CDC14A: variants seen among roughly 807,000 people sequenced by gnomAD.
CDC14A encodes the protein dual specificity protein phosphatase CDC14A.
Under a neutral mutation model 74.4 loss-of-function variants are expected in CDC14A, and 53 were observed. The ratio of observed to expected loss-of-function variants is 0.71; its 90% CI spans 0.57 to 0.89. The LOEUF is 0.89. Ranked by LOEUF, CDC14A falls within the 40% of genes least tolerant of loss-of-function variation. CDC14A has a pLI of 0.00. For synonymous variants in CDC14A, 247 were observed against 258.4 expected (o/e 0.96, Z 0.43); for missense variants, 646 against 713.7 (o/e 0.91, Z 1.08).
intron 8 of CDC14A, among the ~76,000 whole-genome samples, chr1:100,459,091 ACACACACACG>A (rs979324456): frequency 1.1e-4 from 15 of 137,118 alleles, no homozygotes; most frequent in African/African-American, 3.7e-4. Context: ...ATTTAAACAC[ACACACACACG>A]CACACACACA....
chr1:100,386,332 C>G (rs772969168), intron 3 of CDC14A, among the ~76,000 whole-genome samples: 2 of 152,140 alleles, frequency 1.3e-5, no homozygotes, highest in African/African-American at 4.8e-5. Context: ...GTGACCCTCT[C>G]TATTTTATAT....
chr1:100,414,603 A>G (rs1252944645), intron 4 of CDC14A, among the ~76,000 whole-genome samples: 1 of 152,178 alleles, frequency 6.6e-6, no homozygotes, highest in African/African-American at 2.4e-5. Flanking sequence ...AGCTCATGAT[A>G]TACCCAGAAG....
intron 4 of CDC14A, chr1:100,393,640 A>C: frequency 1.7e-6 from 1 of 603,542 alleles, no homozygotes; most frequent in South Asian, 1.5e-5. Flanking sequence ...GAGGCTTCAT[A>C]ACCTTGATCA....
intron 3 of CDC14A, among the ~76,000 whole-genome samples, chr1:100,390,505 G>T: frequency 6.6e-6 from 1 of 152,030 alleles, no homozygotes; most frequent in African/African-American, 2.4e-5. Context: ...TTCTTTTCTG[G>T]GAGAGAAAGA....
At chr1:100,446,723 G>A (rs1278131884) in intron 7 of CDC14A, among the ~76,000 whole-genome samples, 3 of 151,836 alleles carry the variant, frequency 2.0e-5, no homozygotes, top group African/African-American at 4.8e-5. Context: ...TTTGAGAGAG[G>A]GTCTCGCTCT....
chr1:100,369,836 T>A (rs1482238531), intron 2 of CDC14A, among the ~76,000 whole-genome samples: 32 of 151,922 alleles, frequency 2.1e-4, no homozygotes, highest in Non-Finnish European at 2.9e-5. Context: ...AAAATTTTTT[T>A]TTTTTTTTGA....
chr1:100,381,472 T>G (rs1300543470), intron 3 of CDC14A, among the ~76,000 whole-genome samples: 1 of 152,218 alleles, frequency 6.6e-6, no homozygotes, highest in South Asian at 2.1e-4. Context: ...TTTTTTAGTT[T>G]GGAAATTTTT....
intron 3 of CDC14A, chr1:100,383,532 G>T (rs997621102): frequency 2.0e-5 from 3 of 152,604 alleles, no homozygotes; most frequent in Non-Finnish European, 4.4e-5. Flanking sequence ...AAAGGTCATG[G>T]CTGCTCACAG....
Position 100,520,258 on chromosome 1 carries a change from T to TA in CDC14A, c.*1982dup, listed in dbSNP as rs1024199274. ...AGAAGAATACACTGCTAATAAATAA[T>TA]AAAAGTTTTATTCAATTTACTTATT... On this transcript the variant is annotated 3_prime_UTR_variant, in exon 16 of 16. Coordinates refer to ENST00000336454, the MANE Select transcript of CDC14A (RefSeq NM_003672.4). 5 of 152,592 alleles carry TA rather than the reference T, an allele frequency of 3.3e-5. No individual in the cohort carries two copies. Among genetic ancestry groups the TA allele is most frequent in the Non-Finnish European group, 7.4e-5 (5 of 67,978 alleles). The allele number at this position is 152,592 out of a possible 1,614,324, so 9.5% of individuals were successfully genotyped here.
chr1:100,379,576 T>C lies in CDC14A; in HGVS notation c.216+1955T>C, dbSNP rs190896786. On this transcript the variant is annotated intron_variant, in intron 3 of 15. Coordinates refer to ENST00000336454, the MANE Select transcript of CDC14A (RefSeq NM_003672.4). ...TTGCTTCAGTTTTGTGGAATCTTAG[T>C]TTCTTCATCTGTAAAATAGGAATTA... 1.5e-3 allele frequency among the ~76,000 whole-genome samples: 235 copies of C among 152,366 alleles called. 1 individual carries two copies. Among genetic ancestry groups the C allele is most frequent in the Middle Eastern group, 3.4e-3 (1 of 294 alleles).
In CDC14A at chr1:100,390,804, T is replaced by C. The variant is rs762955081; in HGVS notation, c.289T>C (p.Phe97Leu). The change falls in exon 4 of 16, where the codon TTT becomes CTT. Residue 97 changes from phenylalanine (F) to leucine (L), a missense_variant. Physicochemically the swap from Phe to Leu is conservative, Grantham distance 22. Coordinates refer to ENST00000336454, the MANE Select transcript of CDC14A (RefSeq NM_003672.4). The part of the protein sequence containing the change: ...FDQRKRANAA[F>L]LIGAYAVIYL... ...CCAACGGAAAAGAGCAAATGCAGCA[T>C]TTTTGATAGGTGCCTATGCAGTAAG... 2 of 1,612,108 alleles carry C rather than the reference T, an allele frequency of 1.2e-6. No homozygotes were observed. Among genetic ancestry groups the C allele is most frequent in the Non-Finnish European group, 8.5e-7 (1 of 1,178,440 alleles).
Position 100,413,552 on chromosome 1 carries a change from G to T in CDC14A, c.310-10670G>T, listed in dbSNP as rs188250366. The stretch of plus-strand genomic sequence containing the variant: ...CTAAAATAAATACATTGGGTTGCTG[G>T]TCTACCACCTTCTCTCTTCGAGGAG... On this transcript the variant is annotated intron_variant, in intron 4 of 15. Coordinates refer to ENST00000336454, the MANE Select transcript of CDC14A (RefSeq NM_003672.4). Among the ~76,000 whole-genome samples the T allele has an allele frequency of 5.5e-3, 843 of 152,234 alleles. 2 individuals are homozygous for T. Among genetic ancestry groups the T allele is most frequent in the Non-Finnish European group, 9.5e-3 (643 of 68,018 alleles).
intron 15 of CDC14A, among the ~76,000 whole-genome samples, chr1:100,500,125 G>T (rs910960928): frequency 6.6e-6 from 1 of 152,120 alleles, no homozygotes; most frequent in Non-Finnish European, 1.5e-5. Context: ...TGTGAGTTTC[G>T]ATTTGAGAGG....
intron 5 of CDC14A, among the ~76,000 whole-genome samples, chr1:100,430,192 A>T (rs1407127505): frequency 6.6e-6 from 1 of 152,006 alleles, no homozygotes; most frequent in Non-Finnish European, 1.5e-5. Flanking sequence ...TTTGTGGAAC[A>T]TTTTTTTTAT....
upstream of CDC14A, among the ~76,000 whole-genome samples, chr1:100,347,842 A>G (rs1235195710): frequency 6.6e-6 from 1 of 152,206 alleles, no homozygotes; most frequent in Non-Finnish European, 1.5e-5. Context: ...TTGTATCACT[A>G]CTGAACAAAC....
intron 8 of CDC14A, among the ~76,000 whole-genome samples, chr1:100,460,479 AG>A (rs773050987): frequency 6.6e-6 from 1 of 152,144 alleles, no homozygotes; most frequent in Non-Finnish European, 1.5e-5. Flanking sequence ...CAGAGGCAGA[AG>A]CTCTCACCAG....
At chr1:100,466,831 T>C (rs1667855655) in intron 9 of CDC14A, among the ~76,000 whole-genome samples, 1 of 145,848 alleles carries the variant, frequency 6.9e-6, no homozygotes, top group Admixed American at 6.9e-5. Context: ...GATCGCACTA[T>C]TGCATTCCAG....
chr1:100,407,467 C>T (rs369482702), intron 4 of CDC14A, among the ~76,000 whole-genome samples: 3 of 152,162 alleles, frequency 2.0e-5, no homozygotes, highest in East Asian at 1.9e-4. Context: ...GTGCTAATTG[C>T]GAATTGGAGT....
intron 10 of CDC14A, among the ~76,000 whole-genome samples, chr1:100,473,677 C>G (rs1053467896): frequency 6.6e-6 from 1 of 152,292 alleles, no homozygotes; most frequent in Non-Finnish European, 1.5e-5. Context: ...TGTGAGCCAC[C>G]CTGCCTGGCC....
Sources: allele counts gnomAD v4.1 joint callset (sites outside exome capture counted in the v4.1 genomes callset), GRCh38; gene constraint gnomAD v4.1.1; transcripts MANE v1.5; gene names NCBI Gene and HGNC (gene_info 2026-07-23, HGNC 2026-07-21).